Variants in STX3 observed in about 807,000 individuals in gnomAD.
The protein encoded by STX3 is syntaxin-3.
Under a neutral mutation model 40.2 loss-of-function variants are expected in STX3, and 19 were observed. That is an observed-to-expected ratio of 0.47 (90% CI 0.33 to 0.69). The LOEUF is 0.69. STX3 is among the 30% of genes least tolerant of loss of function. The probability of loss-of-function intolerance (pLI) is 0.02; values close to 1 mark genes in which losing one functional copy is unlikely to be tolerated. For synonymous variants in STX3, 122 were observed against 132.2 expected (o/e 0.92, Z 0.53); for missense variants, 364 against 366.7 (o/e 0.99, Z 0.06).
chr11:59,759,647 A>G lies in STX3; in HGVS notation c.30+4012A>G, dbSNP rs560488774. 3.7e-4 allele frequency among the ~76,000 whole-genome samples: 57 copies of G among 152,306 alleles called. No homozygotes were observed. The South Asian group carries it at 0.01, about 28-fold the overall frequency. On this transcript the variant is annotated intron_variant, in intron 1 of 10. Coordinates refer to ENST00000337979, the MANE Select transcript of STX3 (RefSeq NM_004177.5). ...ATGACGTGGATGTAATGGCCCTTCAAAGACCAGCACTAATAAGGACACACT... is the reference window on the plus strand; with the variant it reads ...ATGACGTGGATGTAATGGCCCTTCAGAGACCAGCACTAATAAGGACACACT...
chr11:59,800,866 A>G lies in STX3; in HGVS notation c.*42A>G, dbSNP rs1274565046. On this transcript the variant is annotated 3_prime_UTR_variant, in exon 11 of 11. Transcript: ENST00000337979. ...TCCCTGCCTCCTAGAAACTGATTTC[A>G]CTCCAGACTGGTGTGGCCACCCTTG... The G allele has an allele frequency of 6.5e-7, 1 of 1,535,984 alleles. No homozygotes were observed. The highest frequency in any genetic ancestry group is 2.0e-5 in the Admixed American group (1 of 50,966).
chr11:59,795,204 A>T (rs1251905091), intron 8 of STX3, among the ~76,000 whole-genome samples, 168 bp from the exon 9 acceptor site: 1 of 152,188 alleles, frequency 6.6e-6, no homozygotes. Flanking sequence ...AGTGACTGCC[A>T]CCCCACCACC....
At chr11:59,778,382 G>A (rs1014488278) in intron 2 of STX3, among the ~76,000 whole-genome samples, 1 of 152,158 alleles carries the variant, frequency 6.6e-6, no homozygotes, top group African/African-American at 2.4e-5. Context: ...GGATAGCACT[G>A]GGTCACATGG....
In STX3 at chr11:59,792,118, TTC is replaced by T; in HGVS notation, c.372_373del (p.Arg125GlufsTer11). On this transcript the variant is annotated frameshift_variant, in exon 6 of 11. Transcript: ENST00000337979. LOFTEE classifies it high-confidence loss of function. ...ACATCATCCCACAGCACTCTGTCCTTTCTCGGAAGTTTGTGGAGGTGATGACC... is the reference window on the plus strand; with the variant it reads ...ACATCATCCCACAGCACTCTGTCCTTTCGGAAGTTTGTGGAGGTGATGACC... ...RIRKSQHSVLSRKFVEVMTKY... is the reference protein window; with the variant it reads ...RIRKSQHSVLXRKFVEVMTKY... The T allele has an allele frequency of 6.2e-7, 1 of 1,613,882 alleles. No homozygotes were observed.
chr11:59,797,346 C>T lies in STX3; in HGVS notation c.850C>T (p.Leu284Phe), dbSNP rs1446666768. The change falls in exon 10 of 11, where the codon CTT becomes TTT. Residue 284 changes from leucine to phenylalanine, a missense_variant. Transcript: ENST00000337979. ...LLGILALIIG[L>F]SVGLN ...GGGCATTTTAGCATTGATTATTGGACTTTCCGTTGGGCTGAATTAAGAGTG... is the reference window on the plus strand; with the variant it reads ...GGGCATTTTAGCATTGATTATTGGATTTTCCGTTGGGCTGAATTAAGAGTG... 3 of 1,614,112 alleles carry T rather than the reference C, an allele frequency of 1.9e-6. No individual in the cohort carries two copies. The highest frequency in any genetic ancestry group is 2.2e-5 in the South Asian group (2 of 91,068).
chr11:59,789,766 T>C (rs1441104008), intron 4 of STX3, among the ~76,000 whole-genome samples: 1 of 152,144 alleles, frequency 6.6e-6, no homozygotes, highest in African/African-American at 2.4e-5. Flanking sequence ...TGAATAGTCA[T>C]TTTAGAGATA....
chr11:59,803,208 G>A lies in STX3; in HGVS notation c.*2384G>A. On this transcript the variant is annotated 3_prime_UTR_variant, in exon 11 of 11. Transcript: ENST00000337979. Reference sequence around the variant, plus strand: ...TCATGTATTCTTTCTTTCCTTGTCTGGATGAGCAGAAGAAGATCATGATCA... The same window carrying A: ...TCATGTATTCTTTCTTTCCTTGTCTAGATGAGCAGAAGAAGATCATGATCA... 4.1e-6 allele frequency: 5 copies of A among 1,231,640 alleles called. No homozygotes were observed. The highest frequency in any genetic ancestry group is 4.0e-6 in the Non-Finnish European group (4 of 987,946). 76.3% of individuals were successfully genotyped at this position (1,231,640 alleles called of 1,614,324 possible). A position where few individuals can be genotyped will look rare whatever the true frequency, so the allele number is the denominator to read the frequency against.
chr11:59,781,442 T>C (rs1274107233), intron 2 of STX3: 7 of 1,611,996 alleles, frequency 4.3e-6, no homozygotes, highest in African/African-American at 4.0e-5. Context: ...GCTGAACCAA[T>C]GCACCATCTG....
At chr11:59,769,885 G>C (rs568322557) in intron 1 of STX3, among the ~76,000 whole-genome samples, 5 of 151,540 alleles carry the variant, frequency 3.3e-5, no homozygotes, top group Admixed American at 6.6e-5. Flanking sequence ...GAAGGTGTGT[G>C]GGTGTATGTT....
At chr11:59,780,309 A>G (rs1864281813) in intron 2 of STX3, among the ~76,000 whole-genome samples, 1 of 152,172 alleles carries the variant, frequency 6.6e-6, no homozygotes, top group East Asian at 1.9e-4. Flanking sequence ...CGTGAGAAAG[A>G]TGATCTCTCT....
chr11:59,790,077 T>G (rs1459219986), intron 4 of STX3, among the ~76,000 whole-genome samples: 1 of 152,238 alleles, frequency 6.6e-6, no homozygotes, highest in African/African-American at 2.4e-5. Flanking sequence ...GGAGGAGTCA[T>G]TAGTAGCAGA....
Position 59,800,879 on chromosome 11 carries a change from G to T in STX3, c.*55G>T, listed in dbSNP as rs1189069296. ...GAAACTGATTTCACTCCAGACTGGT[G>T]TGGCCACCCTTGTCTTCAGATGAGA... On this transcript the variant is annotated 3_prime_UTR_variant, in exon 11 of 11. Coordinates refer to ENST00000337979, the MANE Select transcript of STX3 (RefSeq NM_004177.5). 1 of 1,536,296 alleles carries T rather than the reference G, an allele frequency of 6.5e-7. No individual in the cohort carries two copies. Among genetic ancestry groups the T allele is most frequent in the Non-Finnish European group, 8.7e-7 (1 of 1,146,896 alleles).
chr11:59,792,031 T>C (rs1454960399), intron 5 of STX3, 76 bp from the exon 6 acceptor site: 1 of 1,141,944 alleles, frequency 8.8e-7, no homozygotes, highest in East Asian at 2.4e-5. Flanking sequence ...TGTAGATGGC[T>C]ATGTGGGGGT....
chr11:59,788,800 G>C, intron 3 of STX3, 73 bp from the exon 4 acceptor site: 2 of 1,330,574 alleles, frequency 1.5e-6, no homozygotes, highest in Non-Finnish European at 2.1e-6. Flanking sequence ...CTCCTCTGAT[G>C]ATGATTGCTG....
chr11:59,755,775 G>T, intron 1 of STX3, 140 bp downstream of exon 1: 16 of 1,173,448 alleles, frequency 1.4e-5, no homozygotes, highest in Middle Eastern at 2.9e-4. Flanking sequence ...TTCCCGCGCC[G>T]GTTCCGCACC....
At chr11:59,796,210 TCAGTA>T (rs1463386792) in intron 9 of STX3, among the ~76,000 whole-genome samples, 2 of 152,220 alleles carry the variant, frequency 1.3e-5, no homozygotes, top group African/African-American at 4.8e-5. Context: ...GGTCAGGGGC[TCAGTA>T]ACTGGCTTCA....
At chr11:59,793,651 A>G (rs1865338385) in intron 8 of STX3, 137 bp downstream of exon 8, 1 of 1,238,530 alleles carries the variant, frequency 8.1e-7, no homozygotes, top group Non-Finnish European at 1.1e-6. Flanking sequence ...AAGGAGAAAC[A>G]GAATCCCATG....
At chr11:59,771,485 G>A (rs1467044084) in intron 1 of STX3, among the ~76,000 whole-genome samples, 1 of 150,442 alleles carries the variant, frequency 6.6e-6, no homozygotes, top group African/African-American at 2.5e-5. Context: ...TGTGATGGTT[G>A]GTGTCGAAAG....
chr11:59,782,626 A>G (rs961324791), intron 2 of STX3, among the ~76,000 whole-genome samples: 14 of 152,094 alleles, frequency 9.2e-5, no homozygotes, highest in Non-Finnish European at 1.8e-4. Flanking sequence ...AGAAACTGGA[A>G]CCTGGTCTGT....
Sources: gnomAD v4.1 joint callset for allele counts (sites outside exome capture counted in the v4.1 genomes callset) on GRCh38, gnomAD v4.1.1 for gene constraint, MANE v1.5 for transcripts, NCBI Gene and HGNC (gene_info 2026-07-23, HGNC 2026-07-21) for gene names.